MYO7A: variants seen among roughly 807,000 people sequenced by gnomAD.
The protein encoded by MYO7A is myosin VIIA.
In MYO7A, 210 loss-of-function variants were observed where a neutral mutation model predicts 263.8. The ratio of observed to expected loss-of-function variants is 0.80; its 90% CI spans 0.71 to 0.89. The LOEUF (loss-of-function observed/expected upper bound fraction) is 0.89. Among genes scored for constraint, MYO7A ranks in the 40% least tolerant of loss-of-function variants. MYO7A has a pLI of 0.00. For synonymous variants in MYO7A, 1,239 were observed against 1,197.3 expected (o/e 1.03, Z -0.72); for missense variants, 2,820 against 2,968.3 (o/e 0.95, Z 1.16).
intron 34 of MYO7A, 35 bp downstream of exon 34, chr11:77,198,656 A>T: frequency 6.2e-7 from 1 of 1,612,198 alleles, no homozygotes; most frequent in Non-Finnish European, 8.5e-7. Context: ...AGACAGACAG[A>T]GGGGAAGGAG....
In MYO7A at chr11:77,183,139, G is replaced by A. The variant is rs1016610280; in HGVS notation, c.3357G>A (p.Lys1119=). ...HKLVHLTLKK[K]SKLTEEVTKR... ...TGGTGCATTTGACTCTGAAAAAGAAGTCCAAGCTCACAGAGGAGGTGAGGG... is the reference window on the plus strand; with the variant it reads ...TGGTGCATTTGACTCTGAAAAAGAAATCCAAGCTCACAGAGGAGGTGAGGG... Residue 1119 remains lysine, a synonymous_variant, in exon 26 of 49, where the codon AAG becomes AAA. Coordinates refer to ENST00000409709, the MANE Select transcript of MYO7A (RefSeq NM_000260.4). The A allele has an allele frequency of 1.3e-6, 2 of 1,552,326 alleles. No individual in the cohort carries two copies. The highest frequency in any genetic ancestry group is 1.7e-6 in the Non-Finnish European group (2 of 1,147,718).
At position 77,156,745 on chromosome 11, in the gene MYO7A, G is replaced by C; in HGVS notation, c.556G>C (p.Glu186Gln). ...CATCAGTGGGCAGCACTCGTGGATT[G>C]AGCAGCAGGTCTTGGAGGCCACCCC... The part of the protein sequence containing the change: ...AAISGQHSWI[E>Q]QQVLEATPIL... The change falls in exon 6 of 49, where the codon GAG (glutamate) becomes CAG (glutamine). Residue 186 changes from glutamate (E) to glutamine (Q), a missense_variant. Glu to Gln is a conservative substitution (Grantham distance 29, BLOSUM62 2). Coordinates refer to ENST00000409709, the MANE Select transcript of MYO7A (RefSeq NM_000260.4). The C allele has an allele frequency of 6.2e-7, 1 of 1,614,006 alleles. No individual in the cohort carries two copies. The highest frequency in any genetic ancestry group is 8.5e-7 in the Non-Finnish European group (1 of 1,179,898).
chr11:77,198,656 AG>A, intron 34 of MYO7A, 35 bp downstream of exon 34: 1 of 1,612,198 alleles, frequency 6.2e-7, no homozygotes, highest in Admixed American at 1.7e-5. Flanking sequence ...AGACAGACAG[AG>A]GGGAAGGAGA....
At position 77,197,463 on chromosome 11, in the gene MYO7A, GTCCCTCTC is replaced by G; in HGVS notation, c.4324-14_4324-7del. 1 of 1,544,868 alleles carries G rather than the reference GTCCCTCTC, an allele frequency of 6.5e-7. No homozygotes were observed. Among genetic ancestry groups the G allele is most frequent in the Non-Finnish European group, 8.8e-7 (1 of 1,134,070 alleles). ...CTCGTATGTTGTCTTCTGTCCCTCT[GTCCCTCTC>G]TCCTTCCAGGGGATTTATGCCCAGA... On this transcript the variant is annotated splice_polypyrimidine_tract_variant and intron_variant, in intron 32 of 48. Coordinates refer to ENST00000409709, the MANE Select transcript of MYO7A (RefSeq NM_000260.4).
At chr11:77,206,541 C>T (rs1957456981) in intron 41 of MYO7A, among the ~76,000 whole-genome samples, 1 of 152,212 alleles carries the variant, frequency 6.6e-6, no homozygotes, top group Non-Finnish European at 1.5e-5. Context: ...GCCCCACTGG[C>T]CCCCAGGTCC....
Position 77,201,459 on chromosome 11 carries a change from T to G in MYO7A, c.4864T>G (p.Ser1622Ala), listed in dbSNP as rs778630246. Residue 1622 changes from serine to alanine, a missense_variant, in exon 36 of 49, where the codon TCA becomes GCA. Ser to Ala is a moderately conservative substitution (Grantham distance 99, BLOSUM62 1). Coordinates refer to ENST00000409709, the MANE Select transcript of MYO7A (RefSeq NM_000260.4). Reference protein sequence around the residue: ...QDNPNPAGEESGFLSFAKGDL... With the variant: ...QDNPNPAGEEAGFLSFAKGDL... ...CCTCTGCTCTACAGCAGGCGAGGAG[T>G]CAGGCTTCCTCAGCTTTGCCAAGGG... 1.2e-6 allele frequency: 2 copies of G among 1,613,556 alleles called. No homozygotes were observed. The highest frequency in any genetic ancestry group is 3.3e-5 in the Admixed American group (2 of 59,980).
At chr11:77,190,999 CT>C in intron 30 of MYO7A, 129 bp downstream of exon 30, 1 of 1,083,050 alleles carries the variant, frequency 9.2e-7, no homozygotes, top group Non-Finnish European at 1.3e-6. Flanking sequence ...TGAGCCTGTG[CT>C]AATTGGCTCT....
In MYO7A at chr11:77,138,204, T is replaced by C. The variant is rs1273516709; in HGVS notation, c.19-4505T>C. ...GGCGTCACCTAAGCCGCCGTTGCCA[T>C]GGGCCCGCAGCAGATGGCCCGGTTT... On this transcript the variant is annotated intron_variant, in intron 2 of 48. Transcript: ENST00000409709. The surrounding 1 kb of genome is among the most constrained non-coding windows in gnomAD (Gnocchi z 4.9). Among the ~76,000 whole-genome samples the C allele has an allele frequency of 6.6e-6, 1 of 151,794 alleles. No individual in the cohort carries two copies. The highest frequency in any genetic ancestry group is 2.4e-5 in the African/African-American group (1 of 41,322).
intron 15 of MYO7A, among the ~76,000 whole-genome samples, 194 bp from the exon 16 acceptor site, chr11:77,172,554 C>T (rs1014803735): frequency 6.6e-6 from 1 of 152,256 alleles, no homozygotes; most frequent in African/African-American, 2.4e-5. Context: ...GGGAGGCTTC[C>T]TGGAGGAGGT....
chr11:77,197,803 G>C (rs1956775612), intron 33 of MYO7A, among the ~76,000 whole-genome samples: 1 of 152,230 alleles, frequency 6.6e-6, no homozygotes, highest in Non-Finnish European at 1.5e-5. Context: ...GCAGGGGAGG[G>C]AAACGTCTTG....
chr11:77,211,139 C>T lies in MYO7A; in HGVS notation c.6052-13C>T, dbSNP rs760829628. The T allele has an allele frequency of 1.9e-6, 3 of 1,556,914 alleles. No homozygotes were observed. Among genetic ancestry groups the T allele is most frequent in the African/African-American group, 2.7e-5 (2 of 73,794 alleles). On this transcript the variant is annotated splice_polypyrimidine_tract_variant and intron_variant, in intron 44 of 48. Coordinates refer to ENST00000409709, the MANE Select transcript of MYO7A (RefSeq NM_000260.4). ...GGTCCCTGCACGCCTGTGACCTGCT[C>T]TGTCTCTGACAGGAGTTGCCCAAGT...
intron 4 of MYO7A, among the ~76,000 whole-genome samples, chr11:77,154,764 G>C (rs1952286402): frequency 6.6e-6 from 1 of 152,096 alleles, no homozygotes; most frequent in Non-Finnish European, 1.5e-5. Flanking sequence ...CTGGGCCCAG[G>C]GGCCCAGAGA....
chr11:77,160,413 C>T, intron 11 of MYO7A, 131 bp downstream of exon 11: 1 of 1,329,454 alleles, frequency 7.5e-7, no homozygotes. Flanking sequence ...CCCGGGGCTG[C>T]AGTCGGCCTT....
At chr11:77,183,210 C>T (rs531296179) in intron 26 of MYO7A, 53 bp downstream of exon 26, 6 of 1,472,858 alleles carry the variant, frequency 4.1e-6, no homozygotes, top group South Asian at 3.6e-5. Context: ...CCTTAGGTGG[C>T]CTAGGCTGGA....
chr11:77,181,846 G>T (rs1418376454), intron 23 of MYO7A, 105 bp from the exon 24 acceptor site: 2 of 952,740 alleles, frequency 2.1e-6, no homozygotes, highest in Admixed American at 4.1e-5. Context: ...GTGCAGTAGC[G>T]TGATCACAGC....
At chr11:77,183,465 C>A (rs1955426570) in intron 26 of MYO7A, among the ~76,000 whole-genome samples, 1 of 152,244 alleles carries the variant, frequency 6.6e-6, no homozygotes, top group Admixed American at 6.5e-5. Flanking sequence ...CGGGCACAGA[C>A]CCGAGGCACT....
intron 23 of MYO7A, among the ~76,000 whole-genome samples, 158 bp downstream of exon 23, chr11:77,181,747 C>T (rs940177988): frequency 1.3e-5 from 2 of 151,500 alleles, no homozygotes; most frequent in African/African-American, 4.9e-5. Context: ...GGTCCTGTCC[C>T]TCTCCAACGC....
At chr11:77,153,116 C>A (rs201071861) in intron 4 of MYO7A, among the ~76,000 whole-genome samples, 3 of 152,098 alleles carry the variant, frequency 2.0e-5, no homozygotes, top group East Asian at 3.9e-4. Flanking sequence ...TGCATGGCTC[C>A]GAGTGGAGGA....
chr11:77,197,443 A>G (rs912495250), intron 32 of MYO7A, 38 bp from the exon 33 acceptor site: 6 of 1,467,462 alleles, frequency 4.1e-6, no homozygotes, highest in Admixed American at 4.0e-5. Flanking sequence ...ACTCACTCGT[A>G]TGTTGTCTTC....
Sources: allele counts gnomAD v4.1 joint callset (sites outside exome capture counted in the v4.1 genomes callset), GRCh38; gene constraint gnomAD v4.1.1; non-coding constraint Gnocchi (gnomAD v3.1); transcripts MANE v1.5; gene names NCBI Gene and HGNC (gene_info 2026-07-23, HGNC 2026-07-21).